Variants in MUC5AC observed in about 807,000 individuals in gnomAD.
MUC5AC encodes mucin 5AC, oligomeric mucus/gel-forming.
A neutral mutation model predicts 169.7 loss-of-function variants in MUC5AC; 158 were observed. The observed-to-expected ratio is 0.93, with a 90% CI of 0.82 to 1.06. MUC5AC has a LOEUF of 1.06. Among genes scored for constraint, MUC5AC ranks in the 50% least tolerant of loss-of-function variants. The pLI is 0.00. For synonymous variants in MUC5AC, 1,975 were observed against 1,237.0 expected, an observed-to-expected ratio of 1.60 and a Z score of -12.52; for missense variants, 4,359 against 3,089.9, an observed-to-expected ratio of 1.41 and a Z score of -9.74.
At chr11:1,192,584 A>C in intron 31 of MUC5AC, 59 bp downstream of exon 31, 1 of 739,206 alleles carries the variant, frequency 1.4e-6, no homozygotes, top group Non-Finnish European at 2.5e-6. Context: ...TTTTTTATCC[A>C]GGAACGCCAA....
In MUC5AC at chr11:1,185,937, G is replaced by T; in HGVS notation, c.7792G>T (p.Ala2598Ser). ...CTCTGGTCCTGGAACTACTCCCAGT[G>T]CTGTTCCCACCACCAGCATAACCTC... ...TTSGPGTTPS[A>S]VPTTSITSAP... The change falls in exon 31 of 49, where the codon GCT becomes TCT. Residue 2598 changes from alanine (A) to serine (S), a missense_variant. Physicochemically the swap from Ala to Ser is moderately conservative, Grantham distance 99. Transcript: ENST00000621226. 1 of 700,434 alleles carries T rather than the reference G, an allele frequency of 1.4e-6. No homozygotes were observed. Among genetic ancestry groups the T allele is most frequent in the East Asian group, 2.6e-5 (1 of 38,670 alleles). 43.4% of individuals were successfully genotyped at this position (700,434 alleles called of 1,614,324 possible). A position where few individuals can be genotyped will look rare whatever the true frequency, so the allele number is the denominator to read the frequency against.
At position 1,188,468 on chromosome 11, in the gene MUC5AC, C is replaced by T. The variant is rs1861008427; in HGVS notation, c.10323C>T (p.Ser3441=). The change falls in exon 31 of 49, where the codon TCC becomes TCT. Residue 3441 remains serine, a synonymous_variant. Coordinates refer to ENST00000621226, the MANE Select transcript of MUC5AC (RefSeq NM_001304359.2). ...ISAPTTSTTS[S]PTTSTTSATT... ...CCCCTACAACCAGCACAACCTCTTC[C>T]CCTACAACCAGCACAACCTCTGCTA... The T allele has an allele frequency of 3.1e-6, 2 of 648,804 alleles. No individual in the cohort carries two copies. The highest frequency in any genetic ancestry group is 5.7e-6 in the Non-Finnish European group (2 of 349,302). 40.2% of individuals were successfully genotyped at this position (648,804 alleles called of 1,614,324 possible). A position where few individuals can be genotyped will look rare whatever the true frequency, so the allele number is the denominator to read the frequency against.
In MUC5AC at chr11:1,199,956, G is replaced by A; in HGVS notation, c.16687G>A (p.Asp5563Asn). 1.3e-6 allele frequency: 1 copy of A among 763,032 alleles called. No homozygotes were observed. The highest frequency in any genetic ancestry group is 1.7e-5 in the Admixed American group (1 of 58,760). 47.3% of individuals were successfully genotyped at this position (763,032 alleles called of 1,614,324 possible). The change falls in exon 48 of 49, where the codon GAC becomes AAC. Residue 5563 changes from aspartate to asparagine, a missense_variant. By Grantham distance (23) the Asp-to-Asn change is conservative (BLOSUM62 1). Coordinates refer to ENST00000621226, the MANE Select transcript of MUC5AC (RefSeq NM_001304359.2). ...RLAYCRGNCG[D>N]SSSMYSLEGN... ...GGCTTACTGCCGGGGGAACTGTGGG[G>A]ACAGCTCTTCCATGTACGTGCCTGG...
intron 43 of MUC5AC, 90 bp downstream of exon 43, chr11:1,198,395 A>G: frequency 1.4e-6 from 1 of 694,186 alleles, no homozygotes; most frequent in South Asian, 1.5e-5. Context: ...AGCAACTGCC[A>G]ACTCCGGCCG....
At chr11:1,197,850 T>C (rs1056026788) in intron 41 of MUC5AC, 53 bp from the exon 42 acceptor site, 38 of 685,848 alleles carry the variant, frequency 5.5e-5, no homozygotes, top group Non-Finnish European at 9.0e-5. Context: ...GGGGTGGGCC[T>C]TCGGGTGGGG....
rs2133766019 is a variant in MUC5AC, at chr11:1,190,774, C to A, written c.12629C>A (p.Thr4210Asn). ...STTSTPQTSK[T>N]SAATSSTTSG... is the part of the protein sequence containing the mutation. ...ACCTCCACTCCACAGACCAGCAAAACCTCAGCTGCTACAAGCAGCACAACC... is the reference window on the plus strand; with the variant it reads ...ACCTCCACTCCACAGACCAGCAAAAACTCAGCTGCTACAAGCAGCACAACC... The change falls in exon 31 of 49, where the codon ACC (threonine) becomes AAC (asparagine). Residue 4210 changes from threonine to asparagine, a missense_variant. Thr to Asn is a moderately conservative substitution (Grantham distance 65, BLOSUM62 0). Transcript: ENST00000621226. The A allele has an allele frequency of 2.3e-5, 16 of 708,702 alleles. 1 individual carries two copies. The East Asian group carries it at 4.0e-4, about 18-fold the overall frequency. 43.9% of individuals were successfully genotyped at this position (708,702 alleles called of 1,614,324 possible).
Position 1,184,899 on chromosome 11 carries a change from A to G in MUC5AC, c.6754A>G (p.Thr2252Ala). Residue 2252 changes from threonine (T) to alanine (A), a missense_variant, in exon 31 of 49, where the codon ACA becomes GCA. Coordinates refer to ENST00000621226, the MANE Select transcript of MUC5AC (RefSeq NM_001304359.2). ...CACCTCCTCTTGGCAGAAATCCAGG[A>G]CAACCACTTTGGTGACAACCAGCAC... Reference protein sequence around the residue: ...QSTSSWQKSRTTTLVTTSTTS... With the variant: ...QSTSSWQKSRATTLVTTSTTS... 1 of 628,856 alleles carries G rather than the reference A, an allele frequency of 1.6e-6. No homozygotes were observed. 39.0% of individuals were successfully genotyped at this position (628,856 alleles called of 1,614,324 possible).
intron 19 of MUC5AC, among the ~76,000 whole-genome samples, chr11:1,175,497 A>G (rs1332737955): frequency 5.9e-5 from 7 of 117,976 alleles, no homozygotes; most frequent in Non-Finnish European, 1.2e-4. Flanking sequence ...ATGCTCACAC[A>G]CCCACTCATG....
chr11:1,191,468 C>T lies in MUC5AC; in HGVS notation c.13323C>T (p.Pro4441=), dbSNP rs1861094662. 1.3e-6 allele frequency: 1 copy of T among 752,856 alleles called. No individual in the cohort carries two copies. The highest frequency in any genetic ancestry group is 2.5e-5 in the East Asian group (1 of 40,744). 46.6% of individuals were successfully genotyped at this position (752,856 alleles called of 1,614,324 possible). ...CAACCTCTGGTCCTGGAACTACTCCCAGCCCTGTTCCCACCACAAGCACAA... is the reference window on the plus strand; with the variant it reads ...CAACCTCTGGTCCTGGAACTACTCCTAGCCCTGTTCCCACCACAAGCACAA... ...ASTTSGPGTT[P]SPVPTTSTTS... is the part of the protein sequence containing the mutation. Residue 4441 remains proline, a synonymous_variant, in exon 31 of 49, where the codon CCC becomes CCT. Transcript: ENST00000621226.
Position 1,199,132 on chromosome 11 carries a change from G to C in MUC5AC, c.16342G>C (p.Val5448Leu), listed in dbSNP as rs1308320779. 1 of 764,638 alleles carries C rather than the reference G, an allele frequency of 1.3e-6. No individual in the cohort carries two copies. The highest frequency in any genetic ancestry group is 2.4e-6 in the Non-Finnish European group (1 of 417,756). The allele number at this position is 764,638 out of a possible 1,614,324, so 47.4% of individuals were successfully genotyped here. A position where few individuals can be genotyped will look rare whatever the true frequency, so the allele number is the denominator to read the frequency against. Reference protein sequence around the residue: ...EQSGQCCGTCVQVACVTNTSK... With the variant: ...EQSGQCCGTCLQVACVTNTSK... Reference sequence around the variant, plus strand: ...GAGCGGGCAGTGCTGTGGCACCTGTGTGCAGGTCGCCTGTGTCACCAACAC... The same window carrying C: ...GAGCGGGCAGTGCTGTGGCACCTGTCTGCAGGTCGCCTGTGTCACCAACAC... The change falls in exon 45 of 49, where the codon GTG (valine) becomes CTG (leucine). Residue 5448 changes from valine (V) to leucine (L), a missense_variant. Physicochemically the swap from Val to Leu is conservative, Grantham distance 32. Coordinates refer to ENST00000621226, the MANE Select transcript of MUC5AC (RefSeq NM_001304359.2).
chr11:1,180,262 C>T (rs1319708746), intron 27 of MUC5AC, 92 bp from the exon 28 acceptor site: 5 of 398,454 alleles, frequency 1.3e-5, no homozygotes, highest in South Asian at 1.3e-4. Context: ...GTGCTGTCGG[C>T]GAGGCCCGCT....
chr11:1,200,747 G>A lies in MUC5AC; in HGVS notation c.*45G>A, dbSNP rs1308131146. On this transcript the variant is annotated 3_prime_UTR_variant, in exon 49 of 49. Coordinates refer to ENST00000621226, the MANE Select transcript of MUC5AC (RefSeq NM_001304359.2). The stretch of plus-strand genomic sequence containing the variant: ...GACCTCCAAGGAGAACCTCCCATAT[G>A]TCCTCTGAGCTCGGCTTCCAAGGCC... 2.9e-6 allele frequency: 2 copies of A among 682,360 alleles called. No homozygotes were observed. Among genetic ancestry groups the A allele is most frequent in the Non-Finnish European group, 5.3e-6 (2 of 374,640 alleles). The allele number at this position is 682,360 out of a possible 1,614,324, so 42.3% of individuals were successfully genotyped here. A position where few individuals can be genotyped will look rare whatever the true frequency, so the allele number is the denominator to read the frequency against.
intron 19 of MUC5AC, 51 bp downstream of exon 19, chr11:1,175,321 A>C (rs1860643976): frequency 2.5e-6 from 1 of 398,574 alleles, no homozygotes; most frequent in Non-Finnish European, 4.4e-6. Context: ...CATCTCTATA[A>C]GAAATCCTGA....
At chr11:1,159,118 C>A (rs964721774) in intron 1 of MUC5AC, among the ~76,000 whole-genome samples, 1 of 152,150 alleles carries the variant, frequency 6.6e-6, no homozygotes, top group South Asian at 2.1e-4. Context: ...CCGTCTCCCC[C>A]ACGGGGCTTG....
At chr11:1,180,652 C>G (rs1860795927) in intron 28 of MUC5AC, 136 bp downstream of exon 28, 1 of 397,744 alleles carries the variant, frequency 2.5e-6, no homozygotes. Flanking sequence ...GGGTCCTGTC[C>G]TGGCCCAGGC....
intron 21 of MUC5AC, 30 bp downstream of exon 21, chr11:1,176,695 G>T (rs1440911349): frequency 5.0e-6 from 2 of 398,658 alleles, no homozygotes; most frequent in African/African-American, 2.1e-5. Flanking sequence ...CCCATGGGGG[G>T]TGTCAGGCCC....
chr11:1,195,967 G>A lies in MUC5AC; in HGVS notation c.15550G>A (p.Val5184Met), dbSNP rs1057508669. 3.4e-5 allele frequency: 26 copies of A among 764,904 alleles called. No homozygotes were observed. Among genetic ancestry groups the A allele is most frequent in the Non-Finnish European group, 5.3e-5 (22 of 417,824 alleles). 47.4% of individuals were successfully genotyped at this position (764,904 alleles called of 1,614,324 possible). A position where few individuals can be genotyped will look rare whatever the true frequency, so the allele number is the denominator to read the frequency against. The change falls in exon 37 of 49, where the codon GTG becomes ATG. Residue 5184 changes from valine (V) to methionine (M), a missense_variant. Physicochemically the swap from Val to Met is conservative, Grantham distance 21. Coordinates refer to ENST00000621226, the MANE Select transcript of MUC5AC (RefSeq NM_001304359.2). ...DRCHMTDLDVVCSSLELYAAL... is the reference protein window; with the variant it reads ...DRCHMTDLDVMCSSLELYAAL... Reference sequence around the variant, plus strand: ...GTGCCACATGACGGACCTGGATGTGGTGTGCTCCAGCCTGGAGCTGTACGC... The same window carrying A: ...GTGCCACATGACGGACCTGGATGTGATGTGCTCCAGCCTGGAGCTGTACGC...
rs1162008839 is a variant in MUC5AC, at chr11:1,163,901, G to T, written c.699G>T (p.Met233Ile). The T allele has an allele frequency of 1.9e-6, 3 of 1,609,356 alleles. No homozygotes were observed. The Admixed American group carries it at 5.0e-5, about 27-fold the overall frequency. The change falls in exon 7 of 49, where the codon ATG becomes ATT. Residue 233 changes from methionine to isoleucine, a missense_variant. Coordinates refer to ENST00000621226, the MANE Select transcript of MUC5AC (RefSeq NM_001304359.2). ...LLSHNTKLTPMEFGNLQKMDD... is the reference protein window; with the variant it reads ...LLSHNTKLTPIEFGNLQKMDD... ...CCGCAGACACCAAGCTGACACCCAT[G>T]GAATTCGGGAACCTGCAGAAGATGG...
chr11:1,190,764 A>C lies in MUC5AC; in HGVS notation c.12619A>C (p.Thr4207Pro), dbSNP rs1861070270. The change falls in exon 31 of 49, where the codon ACC (threonine) becomes CCC (proline). Residue 4207 changes from threonine (T) to proline (P), a missense_variant. Transcript: ENST00000621226. ...AAGCAGCACAACCTCCACTCCACAGACCAGCAAAACCTCAGCTGCTACAAG... is the reference window on the plus strand; with the variant it reads ...AAGCAGCACAACCTCCACTCCACAGCCCAGCAAAACCTCAGCTGCTACAAG... ...PTSSTTSTPQ[T>P]SKTSAATSST... The C allele has an allele frequency of 3.4e-5, 24 of 705,936 alleles. No homozygotes were observed. The highest frequency in any genetic ancestry group is 5.4e-5 in the Non-Finnish European group (21 of 386,928). 43.7% of individuals were successfully genotyped at this position (705,936 alleles called of 1,614,324 possible).
Sources: allele counts gnomAD v4.1 joint callset (sites outside exome capture counted in the v4.1 genomes callset), GRCh38; gene constraint gnomAD v4.1.1; transcripts MANE v1.5; gene names NCBI Gene and HGNC (gene_info 2026-07-23, HGNC 2026-07-21).